Variants in ADAMTS3 observed in about 807,000 individuals in gnomAD.
The protein encoded by ADAMTS3 is A disintegrin and metalloproteinase with thrombospondin motifs 3.
In ADAMTS3, 73 loss-of-function variants were observed where a neutral mutation model predicts 129.0. That is an observed-to-expected ratio of 0.57 (90% CI 0.47 to 0.69). The LOEUF (loss-of-function observed/expected upper bound fraction) is 0.69. Ranked by LOEUF, ADAMTS3 falls within the 30% of genes least tolerant of loss-of-function variation. The pLI is 0.00. For synonymous variants in ADAMTS3, 477 were observed against 510.8 expected (o/e 0.93, Z 0.89); for missense variants, 1,457 against 1,514.5 (o/e 0.96, Z 0.63).
In ADAMTS3 at chr4:72,549,983, GAA is replaced by G. The variant is rs1560563813; in HGVS notation, c.98-1101_98-1100del. Among the ~76,000 whole-genome samples the G allele has an allele frequency of 1.1e-3, 31 of 29,272 alleles. 3 individuals carry two copies. Among genetic ancestry groups the G allele is most frequent in the African/African-American group, 6.8e-3 (29 of 4,262 alleles). 19.2% of individuals were successfully genotyped at this position (29,272 alleles called of 152,430 possible). ...AAAAAAAGAAGAAGAAGAAGAAGAAGAAGAAGAAGAGGAAGAGGAAGAAGAAG... is the reference window on the plus strand; with the variant it reads ...AAAAAAAGAAGAAGAAGAAGAAGAAGGAAGAAGAGGAAGAGGAAGAAGAAG... On this transcript the variant is annotated intron_variant, in intron 2 of 21. Coordinates refer to ENST00000286657, the MANE Select transcript of ADAMTS3 (RefSeq NM_014243.3).
intron 3 of ADAMTS3, among the ~76,000 whole-genome samples, chr4:72,514,673 T>A (rs951167229): frequency 4.6e-5 from 7 of 152,254 alleles, no homozygotes; most frequent in Non-Finnish European, 8.8e-5. Context: ...GTAAGCCCCA[T>A]GTTTAAGTAA....
At chr4:72,453,964 C>T (rs1169479360) in intron 3 of ADAMTS3, among the ~76,000 whole-genome samples, 1 of 139,952 alleles carries the variant, frequency 7.1e-6, no homozygotes, top group African/African-American at 2.6e-5. Flanking sequence ...TTTTATCCAA[C>T]AGTGAAGAAA....
chr4:72,548,597 G>A lies in ADAMTS3; in HGVS notation c.385C>T (p.Pro129Ser). The A allele has an allele frequency of 6.2e-7, 1 of 1,614,012 alleles. No homozygotes were observed. The highest frequency in any genetic ancestry group is 1.1e-5 in the South Asian group (1 of 91,078). Residue 129 changes from proline (P) to serine (S), a missense_variant, in exon 3 of 22, where the codon CCA becomes TCA. Physicochemically the swap from Pro to Ser is moderately conservative, Grantham distance 74. Transcript: ENST00000286657. ...CGGATTCTATACGTAGCACTTCCTG[G>A]TTGATGGTTGTTAATGGGATCGGTT... ...NITDPINNHQ[P>S]GSATYRIRRT...
intron 4 of ADAMTS3, among the ~76,000 whole-genome samples, chr4:72,372,273 T>TA (rs886885010): frequency 3.3e-5 from 5 of 151,590 alleles, no homozygotes; most frequent in East Asian, 3.9e-4. Flanking sequence ...GCATAAAGAA[T>TA]AAAAAAAATC....
At chr4:72,404,842 ACACAC>A (rs1722011731) in intron 4 of ADAMTS3, among the ~76,000 whole-genome samples, 7 of 151,690 alleles carry the variant, frequency 4.6e-5, no homozygotes, top group Admixed American at 1.3e-4. Context: ...ACACACACAC[ACACAC>A]ACACACACAC....
At chr4:72,298,252 T>C in intron 18 of ADAMTS3, 25 bp downstream of exon 18, 1 of 1,589,792 alleles carries the variant, frequency 6.3e-7, no homozygotes, top group Non-Finnish European at 8.6e-7. Flanking sequence ...TACATTTTAA[T>C]ATAATAAATG....
At chr4:72,514,858 A>AGGGT (rs1720416461) in intron 3 of ADAMTS3, among the ~76,000 whole-genome samples, 1 of 152,086 alleles carries the variant, frequency 6.6e-6, no homozygotes, top group African/African-American at 2.4e-5. Flanking sequence ...ATTATACTTT[A>AGGGT]AGTTTTAGGG....
chr4:72,288,593 A>G (rs2109768411), intron 21 of ADAMTS3, among the ~76,000 whole-genome samples, 158 bp downstream of exon 21: 1 of 152,342 alleles, frequency 6.6e-6, no homozygotes. Context: ...TCAAATGCTG[A>G]TCTTAAAGAA....
rs1203787815 is a variant in ADAMTS3, at chr4:72,455,970, T to TTATATATAGTATATA, written c.505-41000_505-40999insTATATACTATATATA. ...ATACAGTATATATACTATATATATT[T>TTATATATAGTATATA]TACATATAGTATATATACTATATAT... is the stretch of plus-strand genomic sequence containing the variant. On this transcript the variant is annotated intron_variant, in intron 3 of 21. Transcript: ENST00000286657. Among the ~76,000 whole-genome samples the TTATATATAGTATATA allele has an allele frequency of 6.3e-4, 55 of 86,700 alleles. 2 individuals carry two copies. The highest frequency in any genetic ancestry group is 2.4e-3 in the African/African-American group (51 of 21,464). The allele number at this position is 86,700 out of a possible 152,430, so 56.9% of individuals were successfully genotyped here. A position where few individuals can be genotyped will look rare whatever the true frequency, so the allele number is the denominator to read the frequency against.
intron 3 of ADAMTS3, among the ~76,000 whole-genome samples, chr4:72,474,881 G>T (rs1173267634): frequency 2.0e-5 from 3 of 151,648 alleles, no homozygotes; most frequent in Admixed American, 2.0e-4. Flanking sequence ...AAAAAAATTA[G>T]CCGGGCGTAG....
chr4:72,287,821 G>A (rs528302945), intron 21 of ADAMTS3, among the ~76,000 whole-genome samples: 103 of 152,194 alleles, frequency 6.8e-4, no homozygotes, highest in African/African-American at 2.3e-3. Flanking sequence ...GGAGGCAGAA[G>A]GAGACAGTGA....
intron 15 of ADAMTS3, among the ~76,000 whole-genome samples, chr4:72,308,235 G>A (rs1719139642): frequency 1.3e-5 from 2 of 151,698 alleles, no homozygotes; most frequent in African/African-American, 4.8e-5. Context: ...AGCAATATTT[G>A]CTTTTTAACA....
chr4:72,377,510 C>G (rs1429363045), intron 4 of ADAMTS3, among the ~76,000 whole-genome samples: 1 of 152,158 alleles, frequency 6.6e-6, no homozygotes, highest in Non-Finnish European at 1.5e-5. Context: ...TTCAGAAAGG[C>G]CTATCTAGAC....
rs751131694 is a variant in ADAMTS3 at position 72,339,622 on chromosome 4, T to C, written c.733A>G (p.Met245Val). ...TCTCCCGCGTGTCTGCGGCGTCTCATTGTTTCATTCAGCTGCTGGTGGATG... is the reference window on the plus strand; with the variant it reads ...TCTCCCGCGTGTCTGCGGCGTCTCACTGTTTCATTCAGCTGCTGGTGGATG... ...GNIHQQLNET[M>V]RRRRHAGEND... is the part of the protein sequence containing the mutation. The change falls in exon 5 of 22, where the codon ATG becomes GTG. Residue 245 changes from methionine to valine, a missense_variant. Physicochemically the swap from Met to Val is conservative, Grantham distance 21 (BLOSUM62 1). Coordinates refer to ENST00000286657, the MANE Select transcript of ADAMTS3 (RefSeq NM_014243.3). The C allele has an allele frequency of 1.2e-6, 2 of 1,613,984 alleles. No homozygotes were observed. The highest frequency in any genetic ancestry group is 1.7e-6 in the Non-Finnish European group (2 of 1,179,890).
intron 4 of ADAMTS3, among the ~76,000 whole-genome samples, chr4:72,360,868 C>T (rs931662932): frequency 8.6e-5 from 13 of 151,850 alleles, no homozygotes; most frequent in African/African-American, 3.1e-4. Flanking sequence ...CTTTTAATTC[C>T]TCCCTATTTT....
At chr4:72,454,076 C>T (rs970392381) in intron 3 of ADAMTS3, among the ~76,000 whole-genome samples, 1 of 151,192 alleles carries the variant, frequency 6.6e-6, no homozygotes, top group Non-Finnish European at 1.5e-5. Flanking sequence ...ATTTTATGCT[C>T]ATTCACAAAG....
intron 5 of ADAMTS3, among the ~76,000 whole-genome samples, chr4:72,331,416 AT>A (rs144770695): frequency 0.026 from 3,992 of 152,264 alleles, 184 homozygotes; most frequent in African/African-American, 0.092. Flanking sequence ...GTTCATGTTC[AT>A]AGCATAGTGT....
At chr4:72,288,584 C>T (rs1356432260) in intron 21 of ADAMTS3, among the ~76,000 whole-genome samples, 167 bp downstream of exon 21, 2 of 152,218 alleles carry the variant, frequency 1.3e-5, no homozygotes, top group Non-Finnish European at 2.9e-5. Context: ...GACATTACCT[C>T]AAATGCTGAT....
At chr4:72,339,985 C>T (rs1720093626) in intron 4 of ADAMTS3, among the ~76,000 whole-genome samples, 1 of 152,118 alleles carries the variant, frequency 6.6e-6, no homozygotes, top group Admixed American at 6.6e-5. Context: ...CAGTTTTTCT[C>T]CCAGCAAAGA....
Sources: gnomAD v4.1 joint callset for allele counts (sites outside exome capture counted in the v4.1 genomes callset) on GRCh38, gnomAD v4.1.1 for gene constraint, MANE v1.5 for transcripts, NCBI Gene and HGNC (gene_info 2026-07-23, HGNC 2026-07-21) for gene names.